IMMP2L: variants seen among roughly 807,000 people sequenced by gnomAD.
The protein encoded by IMMP2L is inner mitochondrial membrane peptidase subunit 2.
IMMP2L carries 18 observed loss-of-function variants against 19.3 expected under a neutral mutation model. The observed-to-expected ratio is 0.93, with a 90% CI of 0.64 to 1.38. The LOEUF is 1.38. Among genes scored for constraint, IMMP2L ranks in the 40% most tolerant of loss-of-function variants. IMMP2L has a pLI of 0.00. For missense variants in IMMP2L, 233 were observed against 218.2 expected (o/e 1.07, Z -0.43); for synonymous variants, 76 against 73.0 (o/e 1.04, Z -0.21).
At chr7:111,224,696 T>C (rs1302157713) in intron 3 of IMMP2L, among the ~76,000 whole-genome samples, 2 of 152,088 alleles carry the variant, frequency 1.3e-5, no homozygotes, top group African/African-American at 4.8e-5. Context: ...GCAAAATTAT[T>C]TTCATAATGA....
chr7:110,983,895 A>C (rs1471977619), intron 3 of IMMP2L, among the ~76,000 whole-genome samples: 1 of 152,016 alleles, frequency 6.6e-6, no homozygotes, highest in Non-Finnish European at 1.5e-5. Flanking sequence ...TTCCTAGTTC[A>C]TGATCACCCA....
chr7:110,832,847 G>C (rs749857366), intron 5 of IMMP2L, among the ~76,000 whole-genome samples: 14 of 152,150 alleles, frequency 9.2e-5, no homozygotes, highest in Non-Finnish European at 1.9e-4. Context: ...AATAGACACA[G>C]AAGTCGTGAT....
At chr7:111,470,494 C>G (rs1175002201) in intron 3 of IMMP2L, among the ~76,000 whole-genome samples, 3 of 151,706 alleles carry the variant, frequency 2.0e-5, no homozygotes, top group Admixed American at 2.0e-4. Flanking sequence ...CAGTGATAGA[C>G]TAGATTAAGA....
chr7:111,533,147 G>A (rs1286361151), intron 1 of IMMP2L, among the ~76,000 whole-genome samples: 1 of 152,148 alleles, frequency 6.6e-6, no homozygotes, highest in Non-Finnish European at 1.5e-5. Flanking sequence ...GAGTGGCCTG[G>A]AGATAAAAGC....
intron 2 of IMMP2L, among the ~76,000 whole-genome samples, chr7:111,493,606 G>A (rs1274288753): frequency 6.6e-6 from 1 of 152,076 alleles, no homozygotes; most frequent in Non-Finnish European, 1.5e-5. Context: ...TCGGGAGGCT[G>A]AGACAGGAGA....
intron 3 of IMMP2L, among the ~76,000 whole-genome samples, chr7:111,378,919 TGCA>T (rs1480314445): frequency 1.3e-5 from 2 of 151,884 alleles, no homozygotes; most frequent in Non-Finnish European, 2.9e-5. Context: ...GTAGTTATTC[TGCA>T]TGAGAAACAG....
At chr7:111,360,955 T>C (rs1048548511) in intron 3 of IMMP2L, among the ~76,000 whole-genome samples, 3 of 152,080 alleles carry the variant, frequency 2.0e-5, no homozygotes, top group Non-Finnish European at 2.9e-5. Flanking sequence ...TTTTAAATGA[T>C]GAATATATAT....
intron 3 of IMMP2L, among the ~76,000 whole-genome samples, chr7:111,103,736 G>A (rs892703724): frequency 6.6e-6 from 1 of 151,614 alleles, no homozygotes; most frequent in African/African-American, 2.4e-5. Flanking sequence ...GGGTGCAGAA[G>A]AACTTTTTTA....
chr7:110,994,124 ACT>A (rs957233249), intron 3 of IMMP2L, among the ~76,000 whole-genome samples: 4 of 147,758 alleles, frequency 2.7e-5, no homozygotes, highest in Admixed American at 1.3e-4. Flanking sequence ...AGTATTCATT[ACT>A]CTCTCTCTTT....
intron 2 of IMMP2L, among the ~76,000 whole-genome samples, chr7:111,504,845 G>A (rs1192549082): frequency 6.6e-6 from 1 of 152,154 alleles, no homozygotes; most frequent in Admixed American, 6.5e-5. Context: ...AGACTTACAT[G>A]TTAGACCTAA....
At chr7:110,947,060 T>C (rs1817329064) in intron 4 of IMMP2L, among the ~76,000 whole-genome samples, 1 of 152,144 alleles carries the variant, frequency 6.6e-6, no homozygotes, top group Non-Finnish European at 1.5e-5. Context: ...GAATAGCTTT[T>C]ACAAAAGGAA....
rs147740098 is a variant in IMMP2L at position 110,896,785 on chromosome 7, G to T, written c.306-10090C>A. Among the ~76,000 whole-genome samples, 748 of 152,006 alleles carry T rather than the reference G, an allele frequency of 4.9e-3. 28 individuals carry two copies. The highest frequency in any genetic ancestry group is 0.044 in the Admixed American group (668 of 15,242). On this transcript the variant is annotated intron_variant, in intron 4 of 5. Coordinates refer to ENST00000405709, the MANE Select transcript of IMMP2L (RefSeq NM_032549.4). Reference sequence around the variant, plus strand: ...CATATGCTAGTATGATAGTTATATAGGGAAAAATACATTTCAGTGCATTCT... The same window carrying T: ...CATATGCTAGTATGATAGTTATATATGGAAAAATACATTTCAGTGCATTCT...
At chr7:111,283,261 A>G (rs1028196598) in intron 3 of IMMP2L, among the ~76,000 whole-genome samples, 1 of 152,198 alleles carries the variant, frequency 6.6e-6, no homozygotes, top group African/African-American at 2.4e-5. Context: ...AAAAACAATT[A>G]CAGAACATTG....
At chr7:111,107,769 A>T (rs1798712563) in intron 3 of IMMP2L, among the ~76,000 whole-genome samples, 1 of 152,090 alleles carries the variant, frequency 6.6e-6, no homozygotes, top group Non-Finnish European at 1.5e-5. Context: ...ACTCCCAAAG[A>T]TTTATTTGCA....
intron 3 of IMMP2L, among the ~76,000 whole-genome samples, chr7:111,051,399 G>C (rs1792996369): frequency 6.6e-6 from 1 of 152,136 alleles, no homozygotes; most frequent in Non-Finnish European, 1.5e-5. Flanking sequence ...ACAGTACACA[G>C]GACAAAGAAA....
chr7:111,388,819 G>T (rs1832050780), intron 3 of IMMP2L, among the ~76,000 whole-genome samples: 2 of 152,012 alleles, frequency 1.3e-5, no homozygotes, highest in Admixed American at 6.5e-5. Context: ...CAACACATGG[G>T]AATTCTGGGA....
chr7:111,238,377 T>C lies in IMMP2L; in HGVS notation c.239+248861A>G, dbSNP rs745961402. On this transcript the variant is annotated intron_variant, in intron 3 of 5. Coordinates refer to ENST00000405709, the MANE Select transcript of IMMP2L (RefSeq NM_032549.4). Reference sequence around the variant, plus strand: ...TGGGCAAGTTACTTGACCCTATCTGTAAAGTGAAGACAATAGTAATAATTA... The same window carrying C: ...TGGGCAAGTTACTTGACCCTATCTGCAAAGTGAAGACAATAGTAATAATTA... Among the ~76,000 whole-genome samples, 37 of 152,024 alleles carry C rather than the reference T, an allele frequency of 2.4e-4. 1 individual carries two copies. The highest frequency in any genetic ancestry group is 3.7e-4 in the Non-Finnish European group (25 of 67,946).
At chr7:110,838,686 T>C (rs1185439251) in intron 5 of IMMP2L, among the ~76,000 whole-genome samples, 1 of 152,136 alleles carries the variant, frequency 6.6e-6, no homozygotes, top group African/African-American at 2.4e-5. Flanking sequence ...TTCTCAGCCT[T>C]CATAACTATA....
Position 111,403,917 on chromosome 7 carries a change from GGTTTGT to G in IMMP2L, c.239+83315_239+83320del, listed in dbSNP as rs551198761. 1.6e-3 allele frequency among the ~76,000 whole-genome samples: 238 copies of G among 152,124 alleles called. 2 individuals carry two copies. Among genetic ancestry groups the G allele is most frequent in the Non-Finnish European group, 6.5e-4 (44 of 67,986 alleles). Reference sequence around the variant, plus strand: ...CATGCCACTTGGAAGTCTTTTGAAAGGTTTGTGTTTATTTTTCTAACCTATATATTA... The same window carrying G: ...CATGCCACTTGGAAGTCTTTTGAAAGGTTTATTTTTCTAACCTATATATTA... On this transcript the variant is annotated intron_variant, in intron 3 of 5. Coordinates refer to ENST00000405709, the MANE Select transcript of IMMP2L (RefSeq NM_032549.4).
Sources: allele counts gnomAD v4.1 joint callset (sites outside exome capture counted in the v4.1 genomes callset), GRCh38; gene constraint gnomAD v4.1.1; transcripts MANE v1.5; gene names NCBI Gene and HGNC (gene_info 2026-07-23, HGNC 2026-07-21).